The following BANK1 variants were observed in gnomAD, a reference collection of about 807,000 sequenced individuals.
The protein encoded by BANK1 is B cell scaffold protein with ankyrin repeats 1.
Under a neutral mutation model 94.5 loss-of-function variants are expected in BANK1, and 95 were observed. That is an observed-to-expected ratio of 1.00 (90% CI 0.85 to 1.19). The LOEUF (loss-of-function observed/expected upper bound fraction) is 1.19. Among genes scored for constraint, BANK1 ranks in the 50% most tolerant of loss-of-function variants. The probability of loss-of-function intolerance (pLI) is 0.00; values close to 1 mark genes in which losing one functional copy is unlikely to be tolerated. For synonymous variants in BANK1, 334 were observed against 308.4 expected (o/e 1.08, Z -0.87); for missense variants, 987 against 932.2 (o/e 1.06, Z -0.77).
chr4:101,851,846 A>G (rs1050169899), intron 2 of BANK1, among the ~76,000 whole-genome samples: 8 of 152,198 alleles, frequency 5.3e-5, no homozygotes, highest in Non-Finnish European at 8.8e-5. Context: ...GGGCAAAAGC[A>G]AAACTTCCTT....
At chr4:101,980,851 A>G (rs1426399068) in intron 7 of BANK1, among the ~76,000 whole-genome samples, 2 of 151,858 alleles carry the variant, frequency 1.3e-5, no homozygotes, top group Admixed American at 1.3e-4. Flanking sequence ...TGTTGCTATC[A>G]TGAATTGGTC....
chr4:101,926,555 A>G (rs915325174), intron 7 of BANK1, among the ~76,000 whole-genome samples: 2 of 151,760 alleles, frequency 1.3e-5, no homozygotes, highest in Non-Finnish European at 2.9e-5. Context: ...TGTTCTAAAC[A>G]CTGGAAATCC....
At chr4:101,794,809 C>G (rs1725099721) in intron 1 of BANK1, among the ~76,000 whole-genome samples, 1 of 145,712 alleles carries the variant, frequency 6.9e-6, no homozygotes, top group Non-Finnish European at 1.5e-5. Flanking sequence ...TGACTTCCCT[C>G]TTTAATCATG....
chr4:101,922,231 A>T (rs1023909794), intron 7 of BANK1, among the ~76,000 whole-genome samples: 1 of 151,778 alleles, frequency 6.6e-6, no homozygotes, highest in African/African-American at 2.4e-5. Flanking sequence ...AATTACTCAG[A>T]AGTTAGGTTT....
chr4:101,801,051 A>C (rs1382787588), intron 1 of BANK1, among the ~76,000 whole-genome samples: 1 of 152,174 alleles, frequency 6.6e-6, no homozygotes, highest in African/African-American at 2.4e-5. Flanking sequence ...TCAGATTGCT[A>C]TAATCTTACA....
rs762470747 is a variant in BANK1 at position 102,060,377 on chromosome 4, A to G, written c.2136A>G (p.Glu712=). The stretch of plus-strand genomic sequence containing the variant: ...GGCAGATGGGAAAAAGTGGCCTGGA[A>G]ATGATTCAGCAGGTAATATTGGCCC... ...KHWQMGKSGL[E]MIQQEKLRQL... is the part of the protein sequence containing the mutation. The change falls in exon 12 of 17, where the codon GAA becomes GAG. Residue 712 remains glutamate, a synonymous_variant. Coordinates refer to ENST00000322953, the MANE Select transcript of BANK1 (RefSeq NM_017935.5). 6.2e-7 allele frequency: 1 copy of G among 1,608,308 alleles called. No homozygotes were observed. Among genetic ancestry groups the G allele is most frequent in the Non-Finnish European group, 8.5e-7 (1 of 1,177,836 alleles).
chr4:102,046,260 A>AT (rs1445733911), intron 11 of BANK1, among the ~76,000 whole-genome samples: 1 of 152,102 alleles, frequency 6.6e-6, no homozygotes, highest in African/African-American at 2.4e-5. Context: ...CTGAAACTGG[A>AT]TCCCTTCCTT....
intron 7 of BANK1, among the ~76,000 whole-genome samples, chr4:101,941,026 C>T (rs942272522): frequency 6.6e-6 from 1 of 151,742 alleles, no homozygotes; most frequent in African/African-American, 2.4e-5. Context: ...TACTCTCCCC[C>T]CTTTACTTAT....
rs186144860 is a variant in BANK1, at chr4:101,832,213, A to G, written c.469+2007A>G. ...AGAATTTTTATTTGCCTAGCTGACT[A>G]AAGGATTCTTCATTTATAGTTGAAG... is the stretch of plus-strand genomic sequence containing the variant. On this transcript the variant is annotated intron_variant, in intron 2 of 16. Transcript: ENST00000322953. Among the ~76,000 whole-genome samples, 5 of 152,350 alleles carry G rather than the reference A, an allele frequency of 3.3e-5. No individual in the cohort carries two copies. In the East Asian group the frequency reaches 9.6e-4, roughly 29 times the overall value.
At chr4:101,930,206 T>C (rs1723294178) in intron 7 of BANK1, among the ~76,000 whole-genome samples, 1 of 151,416 alleles carries the variant, frequency 6.6e-6, no homozygotes. Context: ...TGTTCAGCAG[T>C]GACTATCTCT....
intron 7 of BANK1, among the ~76,000 whole-genome samples, chr4:102,001,836 T>C (rs73834544): frequency 9.3e-4 from 142 of 152,112 alleles, no homozygotes; most frequent in African/African-American, 3.1e-3. Context: ...ATGAAATCAG[T>C]CTAGGTGATA....
At chr4:101,962,055 G>C (rs945685662) in intron 7 of BANK1, among the ~76,000 whole-genome samples, 1 of 152,144 alleles carries the variant, frequency 6.6e-6, no homozygotes, top group Non-Finnish European at 1.5e-5. Flanking sequence ...AAGCAAGTTG[G>C]AGATATAAAT....
chr4:102,004,530 T>G (rs1209619012), intron 7 of BANK1, among the ~76,000 whole-genome samples: 2 of 152,284 alleles, frequency 1.3e-5, no homozygotes, highest in Admixed American at 1.3e-4. Flanking sequence ...GCAGAGAGAA[T>G]TTTTGGATGG....
At chr4:102,002,522 TG>T (rs1347395468) in intron 7 of BANK1, among the ~76,000 whole-genome samples, 2 of 150,508 alleles carry the variant, frequency 1.3e-5, no homozygotes, top group Non-Finnish European at 2.9e-5. Context: ...CAATTTTTGA[TG>T]GTAGACAATA....
chr4:102,007,146 T>TA lies in BANK1; in HGVS notation c.1207-14368_1207-14367insA, dbSNP rs1560682317. ...TTTATATATATATAAAAAATATATT[T>TA]TATATATATATATATATATATATAA... is the stretch of plus-strand genomic sequence containing the variant. On this transcript the variant is annotated intron_variant, in intron 7 of 16. Transcript: ENST00000322953. Among the ~76,000 whole-genome samples the TA allele has an allele frequency of 2.0e-3, 77 of 38,052 alleles. 6 individuals carry two copies. Among genetic ancestry groups the TA allele is most frequent in the Middle Eastern group, 0.014 (1 of 70 alleles). 25.0% of individuals were successfully genotyped at this position (38,052 alleles called of 152,430 possible). A position where few individuals can be genotyped will look rare whatever the true frequency, so the allele number is the denominator to read the frequency against.
chr4:102,043,967 T>C (rs1167611844), intron 11 of BANK1, 60 bp downstream of exon 11: 10 of 1,048,274 alleles, frequency 9.5e-6, no homozygotes, highest in South Asian at 5.8e-5. Context: ...AGAAATCTTA[T>C]GAATACAGAG....
intron 4 of BANK1, among the ~76,000 whole-genome samples, chr4:101,865,361 G>A (rs1304746463): frequency 6.6e-6 from 1 of 152,082 alleles, no homozygotes; most frequent in Non-Finnish European, 1.5e-5. Context: ...AACTCCTGGG[G>A]GTAGTAGTTT....
chr4:102,063,321 A>G (rs1420729163), intron 13 of BANK1, among the ~76,000 whole-genome samples, 183 bp downstream of exon 13: 2 of 152,050 alleles, frequency 1.3e-5, no homozygotes, highest in African/African-American at 2.4e-5. Flanking sequence ...ATCTATAATT[A>G]TATATGCATC....
At chr4:101,826,593 A>G (rs1260796875) in intron 1 of BANK1, among the ~76,000 whole-genome samples, 1 of 151,990 alleles carries the variant, frequency 6.6e-6, no homozygotes, top group Non-Finnish European at 1.5e-5. Context: ...CGTTCCTCAA[A>G]CATAAAAATA....
Sources: gnomAD v4.1 joint callset for allele counts (sites outside exome capture counted in the v4.1 genomes callset) on GRCh38, gnomAD v4.1.1 for gene constraint, MANE v1.5 for transcripts, NCBI Gene and HGNC (gene_info 2026-07-23, HGNC 2026-07-21) for gene names.